C2CD3: variants seen among roughly 807,000 people sequenced by gnomAD.
C2CD3 encodes C2 domain containing 3 centriole elongation regulator, also known as C2 domain-containing protein 3.
C2CD3 carries 148 observed loss-of-function variants against 234.0 expected under a neutral mutation model. That is an observed-to-expected ratio of 0.63 (90% CI 0.55 to 0.72). The LOEUF is 0.72. Among genes scored for constraint, C2CD3 ranks in the 30% least tolerant of loss-of-function variants. C2CD3 has a pLI of 0.00. For missense variants in C2CD3, 2,577 were observed against 2,811.5 expected, an observed-to-expected ratio of 0.92 and a Z score of 1.89; for synonymous variants, 1,000 against 1,035.4, an observed-to-expected ratio of 0.97 and a Z score of 0.66.
chr11:74,116,923 T>C (rs1231984951), intron 9 of C2CD3, among the ~76,000 whole-genome samples: 1 of 122,666 alleles, frequency 8.2e-6, no homozygotes, highest in South Asian at 2.4e-4. Context: ...TATATACATA[T>C]ACACGTGTAT....
rs556811930 is a variant in C2CD3, at chr11:74,022,248, G to A, written c.6921+6039C>T. 2.6e-5 allele frequency among the ~76,000 whole-genome samples: 4 copies of A among 152,302 alleles called. No homozygotes were observed. In the South Asian group the frequency reaches 6.2e-4, roughly 24 times the overall value. The stretch of plus-strand genomic sequence containing the variant: ...CCTTGGTGATGTGGATCTTGGCTGT[G>A]GGTCATGGGGGATAAAGGAGCAGGG... On this transcript the variant is annotated intron_variant, in intron 32 of 32. Transcript: ENST00000334126.
chr11:74,105,656 C>A (rs747787066), intron 13 of C2CD3, among the ~76,000 whole-genome samples: 2 of 152,190 alleles, frequency 1.3e-5, no homozygotes, highest in Non-Finnish European at 2.9e-5. Flanking sequence ...CACCTGAATA[C>A]AAGGAAATAA....
chr11:74,153,126 G>A (rs945361936), intron 3 of C2CD3, among the ~76,000 whole-genome samples: 1 of 152,134 alleles, frequency 6.6e-6, no homozygotes, highest in African/African-American at 2.4e-5. Context: ...GCTGAGGCAG[G>A]AGGACTGCTT....
At chr11:74,052,799 G>A (rs771049758) in intron 26 of C2CD3, among the ~76,000 whole-genome samples, 8 of 152,186 alleles carry the variant, frequency 5.3e-5, no homozygotes, top group Non-Finnish European at 1.2e-4. Context: ...CACAGGCAGA[G>A]AGAAAGGTCA....
intron 11 of C2CD3, among the ~76,000 whole-genome samples, chr11:74,110,239 G>GCTAA (rs1956696137): frequency 6.7e-6 from 1 of 149,948 alleles, no homozygotes; most frequent in South Asian, 2.1e-4. Context: ...TCCATTCACT[G>GCTAA]CTAAGGCTGT....
chr11:74,026,241 C>T (rs1048735765), intron 32 of C2CD3, among the ~76,000 whole-genome samples: 4 of 151,480 alleles, frequency 2.6e-5, no homozygotes, highest in Admixed American at 6.6e-5. Flanking sequence ...CAGGAGTTTG[C>T]GGGTGCAGGG....
intron 7 of C2CD3, among the ~76,000 whole-genome samples, chr11:74,127,154 T>C (rs962177711): frequency 1.3e-5 from 2 of 152,188 alleles, no homozygotes; most frequent in Non-Finnish European, 2.9e-5. Flanking sequence ...ACCACAGGCA[T>C]ACGCCACCAC....
rs567075702 is a variant in C2CD3 at position 74,046,952 on chromosome 11, T to C, written c.5495+1253A>G. 2.0e-5 allele frequency among the ~76,000 whole-genome samples: 3 copies of C among 152,344 alleles called. No homozygotes were observed. The South Asian group carries it at 6.2e-4, about 32-fold the overall frequency. On this transcript the variant is annotated intron_variant, in intron 28 of 32. Transcript: ENST00000334126. ...AGTGAGCTAATGTATATAAAGTCCA[T>C]ATAAAAGTGAGTTATTTCTATTCTC...
At chr11:74,156,089 C>T (rs1176518586) in intron 3 of C2CD3, among the ~76,000 whole-genome samples, 1 of 152,028 alleles carries the variant, frequency 6.6e-6, no homozygotes, top group African/African-American at 2.4e-5. Context: ...TCCTGACCAA[C>T]ACAGCAAAAC....
intron 24 of C2CD3, among the ~76,000 whole-genome samples, chr11:74,060,200 A>G (rs1252472479): frequency 2.0e-5 from 3 of 152,224 alleles, no homozygotes; most frequent in African/African-American, 7.2e-5. Flanking sequence ...GGCAGGGCAT[A>G]GCTGAATAAA....
chr11:74,115,207 CACAT>C (rs892790738), intron 9 of C2CD3, among the ~76,000 whole-genome samples: 4 of 151,606 alleles, frequency 2.6e-5, no homozygotes, highest in African/African-American at 9.7e-5. Flanking sequence ...CACACACACA[CACAT>C]ACATACATAT....
chr11:74,030,283 G>T (rs1004397872), intron 31 of C2CD3, among the ~76,000 whole-genome samples: 1 of 152,100 alleles, frequency 6.6e-6, no homozygotes. Context: ...ATTTATATAT[G>T]TAAAGTGCCT....
rs537082565 is a variant in C2CD3, at chr11:74,111,157, A to C, written c.1844-2005T>G. On this transcript the variant is annotated intron_variant, in intron 11 of 32. Coordinates refer to ENST00000334126, the MANE Select transcript of C2CD3 (RefSeq NM_001286577.2). The stretch of plus-strand genomic sequence containing the variant: ...TGATCTCATAGAAGCTACTTAACTA[A>C]TTTATGTCTCAGTTTCCTCTTTCCT... Among the ~76,000 whole-genome samples, 5 of 152,302 alleles carry C rather than the reference A, an allele frequency of 3.3e-5. No individual in the cohort carries two copies. The East Asian group carries it at 7.7e-4, about 23-fold the overall frequency.
intron 13 of C2CD3, among the ~76,000 whole-genome samples, chr11:74,104,901 C>G (rs1202763790): frequency 6.6e-6 from 1 of 152,162 alleles, no homozygotes; most frequent in East Asian, 1.9e-4. Context: ...TAACCCCTTT[C>G]TGATTTTAAA....
intron 3 of C2CD3, among the ~76,000 whole-genome samples, chr11:74,144,723 G>A (rs141051721): frequency 9.6e-4 from 146 of 152,144 alleles, no homozygotes; most frequent in Middle Eastern, 3.4e-3. Context: ...CTGTTCCTGC[G>A]TTAGTTTGCT....
intron 7 of C2CD3, among the ~76,000 whole-genome samples, chr11:74,130,307 C>T (rs1279803829): frequency 6.6e-6 from 1 of 151,232 alleles, no homozygotes; most frequent in Non-Finnish European, 1.5e-5. Flanking sequence ...CTCATTGTAT[C>T]CTTGAACTCC....
chr11:74,135,545 TAGTC>T (rs1453457531), intron 5 of C2CD3, among the ~76,000 whole-genome samples: 13 of 152,212 alleles, frequency 8.5e-5, no homozygotes, highest in African/African-American at 2.9e-4. Context: ...AAGGATATGA[TAGTC>T]AGAGATGTGA....
Position 74,168,538 on chromosome 11 carries a change from G to A in C2CD3, c.131C>T (p.Thr44Ile), listed in dbSNP as rs145062279. 1.2e-6 allele frequency: 2 copies of A among 1,613,944 alleles called. No homozygotes were observed. Among genetic ancestry groups the A allele is most frequent in the Non-Finnish European group, 1.7e-6 (2 of 1,179,900 alleles). The change falls in exon 2 of 33, where the codon ACT (threonine) becomes ATT (isoleucine). Residue 44 changes from threonine to isoleucine, a missense_variant. Thr to Ile is a moderately conservative substitution (Grantham distance 89, BLOSUM62 -1). Transcript: ENST00000334126. The part of the protein sequence containing the change: ...EGQLRCFLKL[T>I]VNRVIWKIAK... ...AATCTTCCATATGACTCTATTAACAGTAAGTTTTAGAAAACAGCGTAGCTG... is the reference window on the plus strand; with the variant it reads ...AATCTTCCATATGACTCTATTAACAATAAGTTTTAGAAAACAGCGTAGCTG...
intron 13 of C2CD3, among the ~76,000 whole-genome samples, chr11:74,104,518 G>C (rs1385824988): frequency 6.6e-6 from 1 of 152,020 alleles, no homozygotes; most frequent in Admixed American, 6.6e-5. Context: ...GTACATGTAT[G>C]GGGGGAGGAG....
Sources: gnomAD v4.1 joint callset for allele counts (sites outside exome capture counted in the v4.1 genomes callset) on GRCh38, gnomAD v4.1.1 for gene constraint, MANE v1.5 for transcripts, NCBI Gene and HGNC (gene_info 2026-07-23, HGNC 2026-07-21) for gene names.